The following RCL1 variants were observed in gnomAD, a reference collection of about 807,000 sequenced individuals.
RCL1 encodes the protein RNA 3'-terminal phosphate cyclase-like protein.
RCL1 carries 24 observed loss-of-function variants against 42.4 expected under a neutral mutation model. The observed-to-expected ratio is 0.57, with a 90% confidence interval of 0.41 to 0.80. The LOEUF is 0.80. Among genes scored for constraint, RCL1 ranks in the 30% least tolerant of loss-of-function variants. The pLI is 0.00. For missense variants in RCL1, 578 were observed against 467.9 expected (o/e 1.24, Z -2.17); for synonymous variants, 228 against 177.3 (o/e 1.29, Z -2.27).
At chr9:4,839,310 C>G (rs1817236814) in intron 5 of RCL1, among the ~76,000 whole-genome samples, 1 of 152,108 alleles carries the variant, frequency 6.6e-6, no homozygotes. Flanking sequence ...TTTTGGGAGT[C>G]AGATCTGTTT....
intron 8 of RCL1, chr9:4,850,324 C>T (rs758036961): frequency 4.7e-5 from 25 of 533,858 alleles, no homozygotes; most frequent in Middle Eastern, 3.2e-4. Flanking sequence ...ATCATGGTAC[C>T]GATGCTGTAT....
In RCL1 at chr9:4,841,228, G is replaced by A; in HGVS notation, c.585-4G>A. The A allele has an allele frequency of 6.2e-7, 1 of 1,613,974 alleles. No homozygotes were observed. The highest frequency in any genetic ancestry group is 8.5e-7 in the Non-Finnish European group (1 of 1,179,916). Reference sequence around the variant, plus strand: ...AGAATGACATCCTTAACTCCAGGCTGCAGGTACTCTGTACGTGTGTCACCT... The same window carrying A: ...AGAATGACATCCTTAACTCCAGGCTACAGGTACTCTGTACGTGTGTCACCT... On this transcript the variant is annotated splice_polypyrimidine_tract_variant and splice_region_variant and intron_variant, in intron 5 of 8. Coordinates refer to ENST00000381750, the MANE Select transcript of RCL1 (RefSeq NM_005772.5).
intron 1 of RCL1, among the ~76,000 whole-genome samples, chr9:4,820,866 A>G (rs1816571791): frequency 6.6e-6 from 1 of 152,234 alleles, no homozygotes; most frequent in South Asian, 2.1e-4. Flanking sequence ...TGCTACTTAC[A>G]TCACAACCTA....
At chr9:4,820,337 G>A (rs1816549348) in intron 1 of RCL1, among the ~76,000 whole-genome samples, 2 of 152,104 alleles carry the variant, frequency 1.3e-5, no homozygotes, top group Non-Finnish European at 2.9e-5. Context: ...ATCTTTTCTT[G>A]TACCAGGTGA....
chr9:4,834,394 A>G (rs457287), intron 5 of RCL1, 129 bp downstream of exon 5: 900,599 of 1,056,858 alleles, frequency 0.85, 385,905 homozygotes, highest in East Asian at 1. Context: ...AAAAGTCTTA[A>G]CAGTGAAATT....
chr9:4,804,740 C>T (rs1320612297), intron 1 of RCL1: 5 of 185,050 alleles, frequency 2.7e-5, no homozygotes, highest in Non-Finnish European at 4.6e-5. Context: ...CTGACGCCAG[C>T]GAGGACACGG....
chr9:4,843,980 A>G (rs1056883892), intron 6 of RCL1, among the ~76,000 whole-genome samples: 1 of 152,172 alleles, frequency 6.6e-6, no homozygotes. Context: ...TTTCCTTGGC[A>G]GGTGTTGTTA....
intron 1 of RCL1, among the ~76,000 whole-genome samples, chr9:4,806,064 T>TGTGTGTGTGTGTGTG (rs1219639380): frequency 7.2e-6 from 1 of 139,152 alleles, no homozygotes. Context: ...GTGTGTGTGT[T>TGTGTGTGTGTGTGTG]TGTGTGTGTA....
At chr9:4,854,110 G>A (rs966621355) in intron 8 of RCL1, among the ~76,000 whole-genome samples, 2 of 152,240 alleles carry the variant, frequency 1.3e-5, no homozygotes, top group East Asian at 3.9e-4. Context: ...AACATAATTG[G>A]TGTATGGTAA....
chr9:4,849,483 C>T lies in RCL1; in HGVS notation c.904C>T (p.Leu302=). The part of the protein sequence containing the change: ...CVDSTNQSLA[L]LLMTLGQQDV... ...AGACTCGACCAACCAAAGCCTGGCG[C>T]TACTACTCATGACCCTTGGACAGCA... The change falls in exon 8 of 9, where the codon CTA becomes TTA. Residue 302 remains leucine (L), a synonymous_variant. Transcript: ENST00000381750. The T allele has an allele frequency of 6.2e-7, 1 of 1,614,070 alleles. No homozygotes were observed. Among genetic ancestry groups the T allele is most frequent in the Non-Finnish European group, 8.5e-7 (1 of 1,179,982 alleles).
At chr9:4,859,092 T>C (rs1818067582) in intron 8 of RCL1, among the ~76,000 whole-genome samples, 1 of 152,086 alleles carries the variant, frequency 6.6e-6, no homozygotes, top group African/African-American at 2.4e-5. Context: ...TTCAGGTGAG[T>C]CTTATGGTCA....
chr9:4,812,574 A>G (rs1191006142), intron 1 of RCL1, among the ~76,000 whole-genome samples: 2 of 152,094 alleles, frequency 1.3e-5, no homozygotes, highest in African/African-American at 4.8e-5. Flanking sequence ...CACGTAGTGT[A>G]ATGCCTCTTG....
At chr9:4,797,287 T>C (rs1842928098) in intron 1 of RCL1, among the ~76,000 whole-genome samples, 1 of 152,222 alleles carries the variant, frequency 6.6e-6, no homozygotes, top group Admixed American at 6.5e-5. Flanking sequence ...GCTGATTTTA[T>C]TATTATGTAG....
intron 5 of RCL1, among the ~76,000 whole-genome samples, chr9:4,835,383 A>G (rs970784909): frequency 1.3e-5 from 2 of 152,174 alleles, no homozygotes; most frequent in Non-Finnish European, 2.9e-5. Flanking sequence ...GGGGTGGGGG[A>G]AAAGCTGAGG....
chr9:4,800,361 C>T (rs1563826460), intron 1 of RCL1, among the ~76,000 whole-genome samples: 2 of 151,354 alleles, frequency 1.3e-5, no homozygotes, highest in African/African-American at 2.4e-5. Context: ...ATTACAGGCA[C>T]CCACCACCAT....
chr9:4,860,143 T>C lies in RCL1; in HGVS notation c.990T>C (p.His330=). The part of the protein sequence containing the change: ...LSPYTIEFLR[H]LKSFFQIMFK... ...TTTTTAGGATAGAATTTTTGCGGCA[T>C]TTGAAGAGCTTTTTCCAGATTATGT... Residue 330 remains histidine (H), a synonymous_variant, in exon 9 of 9, where the codon CAT becomes CAC. Transcript: ENST00000381750. 1 of 1,592,460 alleles carries C rather than the reference T, an allele frequency of 6.3e-7. No individual in the cohort carries two copies. The highest frequency in any genetic ancestry group is 2.3e-5 in the East Asian group (1 of 44,248).
Position 4,833,142 on chromosome 9 carries a change from A to C in RCL1, c.385-12A>C. The C allele has an allele frequency of 6.3e-7, 1 of 1,598,540 alleles. No homozygotes were observed. Among genetic ancestry groups the C allele is most frequent in the Non-Finnish European group, 8.6e-7 (1 of 1,165,902 alleles). On this transcript the variant is annotated splice_polypyrimidine_tract_variant and intron_variant, in intron 3 of 8. Transcript: ENST00000381750. ...CTTAATTAAACTTTTCTTTTCTGAA[A>C]TAATTTCATAGGTTGATGTTCTTAA...
At chr9:4,810,140 T>C (rs1469121046) in intron 1 of RCL1, among the ~76,000 whole-genome samples, 1 of 152,214 alleles carries the variant, frequency 6.6e-6, no homozygotes, top group African/African-American at 2.4e-5. Flanking sequence ...TTTTCGTATT[T>C]TTAAAGGTAT....
chr9:4,850,008 G>A (rs1817672329), intron 8 of RCL1, among the ~76,000 whole-genome samples: 1 of 152,218 alleles, frequency 6.6e-6, no homozygotes, highest in South Asian at 2.1e-4. Flanking sequence ...GACTAGTAGG[G>A]AATTGTAGAA....
Sources: allele counts gnomAD v4.1 joint callset (sites outside exome capture counted in the v4.1 genomes callset), GRCh38; gene constraint gnomAD v4.1.1; transcripts MANE v1.5; gene names NCBI Gene and HGNC (gene_info 2026-07-23, HGNC 2026-07-21).